Variants in TMEM135 observed in about 807,000 individuals in gnomAD.
TMEM135 encodes the protein peroxisomal membrane protein 52.
TMEM135 carries 30 observed loss-of-function variants against 60.3 expected under a neutral mutation model. The ratio of observed to expected loss-of-function variants is 0.50; its 90% CI spans 0.37 to 0.68. The LOEUF (loss-of-function observed/expected upper bound fraction) is 0.68. TMEM135 is among the 30% of genes least tolerant of loss of function. TMEM135 has a pLI of 0.00. For missense variants in TMEM135, 468 were observed against 548.8 expected, an observed-to-expected ratio of 0.85 and a Z score of 1.47; for synonymous variants, 190 against 186.7, an observed-to-expected ratio of 1.02 and a Z score of -0.14.
intron 6 of TMEM135, among the ~76,000 whole-genome samples, chr11:87,269,607 G>A (rs1259538175): frequency 6.7e-6 from 1 of 148,582 alleles, no homozygotes; most frequent in African/African-American, 2.5e-5. Context: ...TTGGTTTTTT[G>A]TCCTTGCGAT....
chr11:87,267,452 G>A (rs1941773492), intron 6 of TMEM135, among the ~76,000 whole-genome samples: 1 of 151,876 alleles, frequency 6.6e-6, no homozygotes, highest in Non-Finnish European at 1.5e-5. Context: ...TGATTGTGGG[G>A]GCTTTATTAT....
rs1430465061 is a variant in TMEM135 at position 87,037,993 on chromosome 11, C to G, written c.-53C>G. On this transcript the variant is annotated 5_prime_UTR_variant, in exon 1 of 15. Transcript: ENST00000305494. ...CTGGCGGCTGGGCTCTCGCGCCCCT[C>G]CCTGCAGGGCTCAGGCTCTCCCCCT... 6.2e-7 allele frequency: 1 copy of G among 1,610,630 alleles called. No homozygotes were observed.
At chr11:87,171,922 T>C (rs1161210890) in intron 5 of TMEM135, among the ~76,000 whole-genome samples, 1 of 152,138 alleles carries the variant, frequency 6.6e-6, no homozygotes, top group Non-Finnish European at 1.5e-5. Flanking sequence ...CTGCCACAGC[T>C]GATCTGACAG....
At chr11:87,273,584 C>G (rs1160150682) in intron 6 of TMEM135, among the ~76,000 whole-genome samples, 2 of 151,900 alleles carry the variant, frequency 1.3e-5, no homozygotes, top group African/African-American at 4.8e-5. Flanking sequence ...AAAAACTGAA[C>G]TAATAAATTC....
chr11:87,123,789 G>A (rs1054965240), intron 4 of TMEM135, among the ~76,000 whole-genome samples: 2 of 152,114 alleles, frequency 1.3e-5, no homozygotes, highest in Non-Finnish European at 2.9e-5. Context: ...CATTTATTGA[G>A]CCCCTACCAT....
At chr11:87,038,237 C>T (rs745460536) in intron 1 of TMEM135, 51 bp downstream of exon 1, 6 of 1,490,978 alleles carry the variant, frequency 4.0e-6, no homozygotes, top group South Asian at 3.3e-5. Context: ...GAAGATGGGC[C>T]GGGGGCTGCA....
In TMEM135 at chr11:87,302,509, A is replaced by G; in HGVS notation, c.698+67A>G. 4.4e-6 allele frequency: 7 copies of G among 1,601,146 alleles called. No individual in the cohort carries two copies. The South Asian group carries it at 6.6e-5, about 15-fold the overall frequency. ...TTTCATATGATATTTGTACCATGCC[A>G]AGGTTATTTTTGTTTTCTATTCAGG... On this transcript the variant is annotated intron_variant, in intron 8 of 14. Transcript: ENST00000305494.
intron 6 of TMEM135, among the ~76,000 whole-genome samples, chr11:87,248,860 A>G (rs560327031): frequency 9.9e-5 from 15 of 152,102 alleles, no homozygotes; most frequent in Non-Finnish European, 2.1e-4. Flanking sequence ...ATTTAATTGT[A>G]TTTGTAGCTA....
intron 1 of TMEM135, among the ~76,000 whole-genome samples, chr11:87,066,757 A>G (rs999778579): frequency 1.0e-4 from 15 of 149,842 alleles, no homozygotes; most frequent in African/African-American, 3.4e-4. Flanking sequence ...CAGGTGATAC[A>G]TACTTGTGTT....
chr11:87,171,018 G>A (rs924482124), intron 5 of TMEM135, among the ~76,000 whole-genome samples: 2 of 152,088 alleles, frequency 1.3e-5, no homozygotes, highest in Non-Finnish European at 2.9e-5. Context: ...TCTTCAAACT[G>A]AGCTTTGAAG....
chr11:87,224,677 A>G (rs901734433), intron 5 of TMEM135, among the ~76,000 whole-genome samples: 39 of 151,908 alleles, frequency 2.6e-4, no homozygotes, highest in Admixed American at 2.6e-3. Context: ...TACTGAAAAC[A>G]TAATATTTTT....
chr11:87,222,822 AAAG>A (rs199713957), intron 5 of TMEM135, among the ~76,000 whole-genome samples: 9,857 of 151,566 alleles, frequency 0.065, 337 homozygotes, highest in African/African-American at 0.087. Context: ...AGAAAGAAAG[AAAG>A]AAAAAAAAAT....
At position 87,309,531 on chromosome 11, in the gene TMEM135, G is replaced by T. The variant is rs759082865; in HGVS notation, c.795G>T (p.Gly265=). ...IKGFIRMFSV[G]YLIQCCLRIP... ...GTTTCATCAGAATGTTTAGCGTGGG[G>T]TACTTGATCCAGTGCTGCCTCCGAA... The change falls in exon 10 of 15, where the codon GGG becomes GGT. Residue 265 remains glycine (G), a synonymous_variant. Coordinates refer to ENST00000305494, the MANE Select transcript of TMEM135 (RefSeq NM_022918.4). 1.2e-6 allele frequency: 2 copies of T among 1,613,646 alleles called. No individual in the cohort carries two copies. Among genetic ancestry groups the T allele is most frequent in the African/African-American group, 1.3e-5 (1 of 74,908 alleles).
intron 6 of TMEM135, among the ~76,000 whole-genome samples, chr11:87,241,891 C>G (rs1202322039): frequency 1.3e-5 from 2 of 151,724 alleles, no homozygotes; most frequent in African/African-American, 4.8e-5. Flanking sequence ...TTTTAGGGTA[C>G]ATGTGCACAA....
chr11:87,205,037 C>G (rs969742734), intron 5 of TMEM135, among the ~76,000 whole-genome samples: 16 of 152,082 alleles, frequency 1.1e-4, no homozygotes, highest in African/African-American at 3.6e-4. Context: ...AAAATTAGTG[C>G]TTTATTGTTT....
chr11:87,236,479 G>A (rs1382631266), intron 5 of TMEM135, among the ~76,000 whole-genome samples, 159 bp from the exon 6 acceptor site: 3 of 151,866 alleles, frequency 2.0e-5, no homozygotes, highest in Admixed American at 6.6e-5. Context: ...AACAAGCTTC[G>A]TTTATATGAA....
At chr11:87,286,737 C>T (rs1942174369) in intron 6 of TMEM135, among the ~76,000 whole-genome samples, 1 of 152,198 alleles carries the variant, frequency 6.6e-6, no homozygotes, top group African/African-American at 2.4e-5. Flanking sequence ...CATCCTGGTT[C>T]CTTTTTGACT....
chr11:87,326,050 T>G lies in TMEM135; in HGVS notation c.*4717T>G, dbSNP rs1182596292. ...AGGGCCAAGAGCAGTTTATACTTCT[T>G]TCTTTAGCTCACAAACTACTATAGC... On this transcript the variant is annotated 3_prime_UTR_variant, in exon 15 of 15. Coordinates refer to ENST00000305494, the MANE Select transcript of TMEM135 (RefSeq NM_022918.4). 1 of 453,732 alleles carries G rather than the reference T, an allele frequency of 2.2e-6. No homozygotes were observed. The highest frequency in any genetic ancestry group is 2.0e-5 in the African/African-American group (1 of 49,938). 28.1% of individuals were successfully genotyped at this position (453,732 alleles called of 1,614,324 possible).
rs1942259716 is a variant in TMEM135 at position 87,291,466 on chromosome 11, TCCTTGCTTCTAA to T, written c.510-4309_510-4298del. On this transcript the variant is annotated intron_variant, in intron 6 of 14. Transcript: ENST00000305494. The stretch of plus-strand genomic sequence containing the variant: ...ATCATCGTTCCCCTCCTAACTTGCT[TCCTTGCTTCTAA>T]CCTTGCCCTCCTGTAAGTCTATCCA... 2.0e-5 allele frequency among the ~76,000 whole-genome samples: 3 copies of T among 151,010 alleles called. No homozygotes were observed. The South Asian group carries it at 6.3e-4, about 32-fold the overall frequency.
Sources: gnomAD v4.1 joint callset for allele counts (sites outside exome capture counted in the v4.1 genomes callset) on GRCh38, gnomAD v4.1.1 for gene constraint, MANE v1.5 for transcripts, NCBI Gene and HGNC (gene_info 2026-07-23, HGNC 2026-07-21) for gene names.